SHOX2: variants seen among roughly 807,000 people sequenced by gnomAD.
SHOX2 encodes SHOX homeobox 2, also known as short stature homeobox protein 2.
A neutral mutation model predicts 31.3 loss-of-function variants in SHOX2; 13 were observed. The ratio of observed to expected loss-of-function variants is 0.42; its 90% CI spans 0.27 to 0.66. The LOEUF is 0.66. Among genes scored for constraint, SHOX2 ranks in the 30% least tolerant of loss-of-function variants. SHOX2 has a pLI of 0.27. For missense variants in SHOX2, 473 were observed against 443.0 expected (o/e 1.07, Z -0.61); for synonymous variants, 244 against 196.2 (o/e 1.24, Z -2.04).
At chr3:158,105,023 T>TCCCCCCCCCCCCACCCCCCCCCC in intron 1 of SHOX2, 1 of 204,906 alleles carries the variant, frequency 4.9e-6, no homozygotes, top group Non-Finnish European at 9.0e-6. Flanking sequence ...GATCCCCACC[T>TCCCCCCCCCCCCACCCCCCCCCC]CCCCCGCCGC....
At position 158,099,115 on chromosome 3, in the gene SHOX2, C is replaced by T. The variant is rs568764593; in HGVS notation, c.702+745G>A. On this transcript the variant is annotated intron_variant, in intron 4 of 4. Coordinates refer to ENST00000483851, the MANE Select transcript of SHOX2 (RefSeq NM_001163678.2). ...AGTCACTGGAGACTGAGAGCTAATTCATGACATCACAGGCATGCCAAGCAG... is the reference window on the plus strand; with the variant it reads ...AGTCACTGGAGACTGAGAGCTAATTTATGACATCACAGGCATGCCAAGCAG... 2.0e-5 allele frequency among the ~76,000 whole-genome samples: 3 copies of T among 152,288 alleles called. No individual in the cohort carries two copies. In the South Asian group the frequency reaches 6.2e-4, roughly 32 times the overall value.
intron 3 of SHOX2, 50 bp downstream of exon 3, chr3:158,100,204 A>C: frequency 7.2e-7 from 1 of 1,386,240 alleles, no homozygotes; most frequent in Non-Finnish European, 1.0e-6. Context: ...AATATTCACT[A>C]CTTCTCTCTT....
Position 158,106,206 on chromosome 3 carries a change from G to A in SHOX2, c.-182C>T. ...GAGGAGAAGAAAGAAGAAAGAGGAG[G>A]AGAAGTAGAAGGAGAAAAAGAAGTA... On this transcript the variant is annotated 5_prime_UTR_variant, in exon 1 of 5. Coordinates refer to ENST00000483851, the MANE Select transcript of SHOX2 (RefSeq NM_001163678.2). 2 of 1,009,624 alleles carry A rather than the reference G, an allele frequency of 2.0e-6. No homozygotes were observed. Among genetic ancestry groups the A allele is most frequent in the Admixed American group, 6.4e-5 (2 of 31,314 alleles). The allele number at this position is 1,009,624 out of a possible 1,614,324, so 62.5% of individuals were successfully genotyped here.
At position 158,103,400 on chromosome 3, in the gene SHOX2, C is replaced by T. The variant is rs559365058; in HGVS notation, c.347-514G>A. ...GCCAGCTCTCACCACCGCTGGCTCT[C>T]TGCCTACCGCAAACTTGCTGGTCTA... On this transcript the variant is annotated intron_variant, in intron 1 of 4. Coordinates refer to ENST00000483851, the MANE Select transcript of SHOX2 (RefSeq NM_001163678.2). 5 of 181,350 alleles carry T rather than the reference C, an allele frequency of 2.8e-5. No homozygotes were observed. The East Asian group carries it at 7.1e-4, about 26-fold the overall frequency. 11.2% of individuals were successfully genotyped at this position (181,350 alleles called of 1,614,324 possible).
chr3:158,099,785 G>A, intron 4 of SHOX2, 75 bp downstream of exon 4: 1 of 1,068,204 alleles, frequency 9.4e-7, no homozygotes, highest in Non-Finnish European at 1.4e-6. Context: ...TCAGAGACAG[G>A]TGATGTTCAA....
chr3:158,105,959 C>G lies in SHOX2; in HGVS notation c.66G>C (p.Ala22=). The change falls in exon 1 of 5, where the codon GCG becomes GCC. Residue 22 remains alanine (A), a synonymous_variant. Coordinates refer to ENST00000483851, the MANE Select transcript of SHOX2 (RefSeq NM_001163678.2). ...FDQKVKEKKE[A]ITYREVLESG... is the part of the protein sequence containing the mutation. ...TCTCCAGCACCTCCCGGTACGTGAT[C>G]GCCTCCTTCTTCTCCTTCACTTTCT... 1 of 1,612,770 alleles carries G rather than the reference C, an allele frequency of 6.2e-7. No homozygotes were observed. Among genetic ancestry groups the G allele is most frequent in the Non-Finnish European group, 8.5e-7 (1 of 1,179,712 alleles).
Position 158,098,173 on chromosome 3 carries a change from G to C in SHOX2, c.814C>G (p.Leu272Val), listed in dbSNP as rs534963160. The C allele has an allele frequency of 6.2e-7, 1 of 1,613,614 alleles. No homozygotes were observed. Among genetic ancestry groups the C allele is most frequent in the African/African-American group, 1.3e-5 (1 of 75,052 alleles). Residue 272 changes from leucine (L) to valine (V), a missense_variant, in exon 5 of 5, where the codon CTG becomes GTG. Transcript: ENST00000483851. The part of the protein sequence containing the change: ...YMMFPAPPFG[L>V]PLATLAADSA... ...TCCGCGGCCAGCGTGGCGAGCGGCA[G>C]TCCGAAGGGCGGTGCTGGGAACATC...
intron 4 of SHOX2, among the ~76,000 whole-genome samples, chr3:158,099,645 A>T (rs1435574024): frequency 4.6e-5 from 7 of 152,288 alleles, no homozygotes; most frequent in Non-Finnish European, 1.0e-4. Context: ...AGGCCCCTTC[A>T]GGGATTCCCA....
At chr3:158,104,664 T>C (rs1713739105) in intron 1 of SHOX2, among the ~76,000 whole-genome samples, 1 of 152,232 alleles carries the variant, frequency 6.6e-6, no homozygotes, top group African/African-American at 2.4e-5. Flanking sequence ...GATGTCCAAA[T>C]TTCAAGTTGA....
intron 2 of SHOX2, among the ~76,000 whole-genome samples, chr3:158,101,589 GT>G (rs11359775): frequency 0.91 from 137,167 of 151,564 alleles, 62,296 homozygotes; most frequent in East Asian, 1. Context: ...TGACTGCTCT[GT>G]TTTTTTTTTT....
At position 158,105,754 on chromosome 3, in the gene SHOX2, G is replaced by C; in HGVS notation, c.271C>G (p.Arg91Gly). 1 of 1,519,716 alleles carries C rather than the reference G, an allele frequency of 6.6e-7. No homozygotes were observed. The highest frequency in any genetic ancestry group is 1.4e-5 in the African/African-American group (1 of 69,840). The allele number at this position is 1,519,716 out of a possible 1,614,324, so 94.1% of individuals were successfully genotyped here. ...GGAGGGAGGG[R>G]SPVRELDMGA... ...ATGTCCAGCTCCCGGACGGGAGAGC[G>C]CCCTCCTCCAGCTCCTCCGCCTGCT... Residue 91 changes from arginine to glycine, a missense_variant, in exon 1 of 5, where the codon CGC becomes GGC. Coordinates refer to ENST00000483851, the MANE Select transcript of SHOX2 (RefSeq NM_001163678.2).
intron 3 of SHOX2, 33 bp downstream of exon 3, chr3:158,100,221 G>C: frequency 6.7e-7 from 1 of 1,498,768 alleles, no homozygotes; most frequent in Non-Finnish European, 9.1e-7. Context: ...TCTTTGCTCA[G>C]ACTATCAAAT....
Position 158,098,274 on chromosome 3 carries a change from T to C in SHOX2, c.713A>G (p.Gln238Arg). 1 of 1,613,758 alleles carries C rather than the reference T, an allele frequency of 6.2e-7. No individual in the cohort carries two copies. The highest frequency in any genetic ancestry group is 8.5e-7 in the Non-Finnish European group (1 of 1,179,832). The change falls in exon 5 of 5, where the codon CAG becomes CGG. Residue 238 changes from glutamine (Q) to arginine (R), a missense_variant. By Grantham distance (43) the Gln-to-Arg change is conservative (BLOSUM62 1). Transcript: ENST00000483851. ...LRMPFQQVQAQLQLDSAVAHA... is the reference protein window; with the variant it reads ...LRMPFQQVQARLQLDSAVAHA... ...CGCCACAGCGCTGTCCAGCTGCAGC[T>C]GCGCCTGAACCTGAAAGGACAAGGG...
In SHOX2 at chr3:158,098,297, G is replaced by C. The variant is rs1713267829; in HGVS notation, c.703-13C>G. On this transcript the variant is annotated splice_polypyrimidine_tract_variant and intron_variant, in intron 4 of 4. Coordinates refer to ENST00000483851, the MANE Select transcript of SHOX2 (RefSeq NM_001163678.2). ...GCTGCGCCTGAACCTGAAAGGACAAGGGCGTCACGTTGCAATGACTATCCT... is the reference window on the plus strand; with the variant it reads ...GCTGCGCCTGAACCTGAAAGGACAACGGCGTCACGTTGCAATGACTATCCT... 1.2e-6 allele frequency: 2 copies of C among 1,611,956 alleles called. No individual in the cohort carries two copies. Among genetic ancestry groups the C allele is most frequent in the Non-Finnish European group, 1.7e-6 (2 of 1,178,802 alleles).
Position 158,096,890 on chromosome 3 carries a change from A to AT in SHOX2, c.*1136dup, listed in dbSNP as rs1713120845. 5.7e-4 allele frequency: 5 copies of AT among 8,726 alleles called. No homozygotes were observed. Among genetic ancestry groups the AT allele is most frequent in the East Asian group, 4.7e-3 (2 of 428 alleles). 0.5% of individuals were successfully genotyped at this position (8,726 alleles called of 1,614,324 possible). A position where few individuals can be genotyped will look rare whatever the true frequency, so the allele number is the denominator to read the frequency against. ...TTCCCCAGGATCAAAGACAGGGCAA[A>AT]TATATATATATATATATATATATAT... is the stretch of plus-strand genomic sequence containing the variant. On this transcript the variant is annotated 3_prime_UTR_variant, in exon 5 of 5. Coordinates refer to ENST00000483851, the MANE Select transcript of SHOX2 (RefSeq NM_001163678.2).
chr3:158,105,559 G>A (rs1399074844), intron 1 of SHOX2, 120 bp downstream of exon 1: 1 of 895,246 alleles, frequency 1.1e-6, no homozygotes, highest in Non-Finnish European at 1.7e-6. Context: ...CAAAGCTGGG[G>A]TCCAGGGCCC....
At position 158,098,168 on chromosome 3, in the gene SHOX2, C is replaced by T; in HGVS notation, c.819G>A (p.Pro273=). 1 of 1,613,406 alleles carries T rather than the reference C, an allele frequency of 6.2e-7. No individual in the cohort carries two copies. Residue 273 remains proline, a synonymous_variant, in exon 5 of 5, where the codon CCG becomes CCA. Transcript: ENST00000483851. ...MMFPAPPFGL[P]LATLAADSAS... The stretch of plus-strand genomic sequence containing the variant: ...CCGAATCCGCGGCCAGCGTGGCGAG[C>T]GGCAGTCCGAAGGGCGGTGCTGGGA...
At chr3:158,102,481 G>GAAAA (rs5853813) in intron 2 of SHOX2, among the ~76,000 whole-genome samples, 197 bp downstream of exon 2, 1 of 144,488 alleles carries the variant, frequency 6.9e-6, no homozygotes, top group African/African-American at 2.5e-5. Context: ...TGTTAGGATG[G>GAAAA]AAAAAAAAAA....
rs1335056593 is a variant in SHOX2 at position 158,096,928 on chromosome 3, A to ATATATATG, written c.*1098_*1099insCATATATA. ...TATATATATATATATATATATATATATATGGCAAATATATGATATATATAT... is the reference window on the plus strand; with the variant it reads ...TATATATATATATATATATATATATATATATATGTATGGCAAATATATGATATATATAT... On this transcript the variant is annotated 3_prime_UTR_variant, in exon 5 of 5. Coordinates refer to ENST00000483851, the MANE Select transcript of SHOX2 (RefSeq NM_001163678.2). The ATATATATG allele has an allele frequency of 6.5e-4, 79 of 121,214 alleles. 2 individuals are homozygous for ATATATATG. Among genetic ancestry groups the ATATATATG allele is most frequent in the African/African-American group, 2.4e-3 (76 of 32,050 alleles). The allele number at this position is 121,214 out of a possible 1,614,324, so 7.5% of individuals were successfully genotyped here. A position where few individuals can be genotyped will look rare whatever the true frequency, so the allele number is the denominator to read the frequency against.
Sources: gnomAD v4.1 joint callset for allele counts (sites outside exome capture counted in the v4.1 genomes callset) on GRCh38, gnomAD v4.1.1 for gene constraint, MANE v1.5 for transcripts, NCBI Gene and HGNC (gene_info 2026-07-23, HGNC 2026-07-21) for gene names.